The following SKAP2 variants were observed in gnomAD, a reference collection of about 807,000 sequenced individuals.
SKAP2 encodes src kinase associated phosphoprotein 2.
In SKAP2, 28 loss-of-function variants were observed where a neutral mutation model predicts 54.9. That is an observed-to-expected ratio of 0.51 (90% CI 0.38 to 0.70). The LOEUF (loss-of-function observed/expected upper bound fraction) is 0.70. Ranked by LOEUF, SKAP2 falls within the 30% of genes least tolerant of loss-of-function variation. SKAP2 has a pLI of 0.00. For synonymous variants in SKAP2, 137 were observed against 134.3 expected (o/e 1.02, Z -0.14); for missense variants, 356 against 424.1 (o/e 0.84, Z 1.41).
intron 11 of SKAP2, among the ~76,000 whole-genome samples, chr7:26,682,755 T>C (rs1242721546): frequency 1.3e-5 from 2 of 152,324 alleles, no homozygotes; most frequent in East Asian, 3.9e-4. Flanking sequence ...TGGAACACCT[T>C]TAACCTTTGT....
chr7:26,663,882 T>C (rs1786060674), downstream of SKAP2, among the ~76,000 whole-genome samples: 2 of 152,158 alleles, frequency 1.3e-5, no homozygotes, highest in South Asian at 4.1e-4. Flanking sequence ...TGTTCCTGCA[T>C]AAAAGTTTCG....
intron 9 of SKAP2, among the ~76,000 whole-genome samples, chr7:26,701,784 T>C (rs958199051): frequency 6.6e-5 from 10 of 152,286 alleles, no homozygotes; most frequent in East Asian, 5.8e-4. Context: ...ACTTGCATCA[T>C]TGAATAGATT....
At chr7:26,800,671 G>A (rs1783893943) in intron 4 of SKAP2, among the ~76,000 whole-genome samples, 1 of 152,108 alleles carries the variant, frequency 6.6e-6, no homozygotes, top group African/African-American at 2.4e-5. Context: ...GACATTACAA[G>A]TGATACTGCA....
At chr7:26,861,823 T>G (rs979026325) in intron 1 of SKAP2, among the ~76,000 whole-genome samples, 1 of 151,926 alleles carries the variant, frequency 6.6e-6, no homozygotes, top group Non-Finnish European at 1.5e-5. Flanking sequence ...ATATGACATA[T>G]AATGATTTAG....
intron 9 of SKAP2, among the ~76,000 whole-genome samples, chr7:26,709,861 TA>T (rs1469158386): frequency 6.6e-6 from 1 of 152,172 alleles, no homozygotes; most frequent in African/African-American, 2.4e-5. Flanking sequence ...GATTTATCTT[TA>T]ATGGCCCAAA....
intron 4 of SKAP2, among the ~76,000 whole-genome samples, chr7:26,768,138 C>T (rs952940827): frequency 1.3e-5 from 2 of 152,142 alleles, no homozygotes; most frequent in Non-Finnish European, 2.9e-5. Context: ...AATCTGGGTG[C>T]TCCTGTATTG....
At chr7:26,863,107 C>T (rs1785302122) in intron 1 of SKAP2, among the ~76,000 whole-genome samples, 1 of 152,126 alleles carries the variant, frequency 6.6e-6, no homozygotes, top group African/African-American at 2.4e-5. Flanking sequence ...AAGACTATCC[C>T]ACCACAAATG....
At chr7:26,664,728 G>GAAAAAAAAAAAA (rs372243207), downstream of SKAP2, among the ~76,000 whole-genome samples, 1 of 111,104 alleles carries the variant, frequency 9.0e-6, no homozygotes, top group Non-Finnish European at 1.9e-5. Flanking sequence ...AAACTGAAAA[G>GAAAAAAAAAAAA]AAAAAAAAAA....
chr7:26,703,860 C>G (rs896808622), intron 9 of SKAP2, among the ~76,000 whole-genome samples: 9 of 152,178 alleles, frequency 5.9e-5, no homozygotes. Flanking sequence ...TTCAGCATAA[C>G]ACAGCTATAA....
At chr7:26,833,566 G>A (rs1784642274) in intron 4 of SKAP2, among the ~76,000 whole-genome samples, 1 of 152,076 alleles carries the variant, frequency 6.6e-6, no homozygotes, top group African/African-American at 2.4e-5. Context: ...AGCAGGGGTT[G>A]CAATCCTAGT....
chr7:26,714,877 G>A (rs533007233), intron 9 of SKAP2, among the ~76,000 whole-genome samples: 6 of 152,230 alleles, frequency 3.9e-5, no homozygotes, highest in Admixed American at 2.6e-4. Context: ...AGCAGGCTGT[G>A]ATCTGTTTAT....
chr7:26,717,086 G>A (rs1403410820), intron 9 of SKAP2, among the ~76,000 whole-genome samples: 1 of 152,084 alleles, frequency 6.6e-6, no homozygotes. Flanking sequence ...TTTCCTTCCA[G>A]AGCCCCTTCT....
intron 11 of SKAP2, among the ~76,000 whole-genome samples, chr7:26,674,719 G>C (rs886507967): frequency 2.0e-5 from 3 of 152,170 alleles, no homozygotes; most frequent in African/African-American, 7.2e-5. Flanking sequence ...GTGTGACTTT[G>C]AGTTCCTCTA....
At chr7:26,730,358 G>A (rs1431591223) in intron 6 of SKAP2, among the ~76,000 whole-genome samples, 2 of 152,152 alleles carry the variant, frequency 1.3e-5, no homozygotes, top group East Asian at 3.9e-4. Flanking sequence ...CCAGCACTGT[G>A]AAAGACTAAT....
intron 4 of SKAP2, among the ~76,000 whole-genome samples, chr7:26,780,941 A>G (rs1471457753): frequency 6.6e-6 from 1 of 151,480 alleles, no homozygotes; most frequent in African/African-American, 2.4e-5. Flanking sequence ...GTCTCAGGCC[A>G]TAGTGTATTA....
intron 4 of SKAP2, among the ~76,000 whole-genome samples, chr7:26,772,351 T>C (rs1284844439): frequency 6.6e-6 from 1 of 152,110 alleles, no homozygotes; most frequent in Non-Finnish European, 1.5e-5. Context: ...TAGTACCCAA[T>C]AGGTAGTTTT....
chr7:26,855,041 G>C (rs978930510), intron 1 of SKAP2, 151 bp from the exon 2 acceptor site: 6 of 534,724 alleles, frequency 1.1e-5, no homozygotes, highest in Non-Finnish European at 1.9e-5. Context: ...AACAGTTGAA[G>C]TGTGTTTCAA....
intron 6 of SKAP2, among the ~76,000 whole-genome samples, chr7:26,736,083 T>C (rs6461964): frequency 0.51 from 77,916 of 151,944 alleles, 21,207 homozygotes; most frequent in East Asian, 0.88. Flanking sequence ...AAAGTGGAAG[T>C]GTCAGAGGCT....
At chr7:26,836,229 C>T (rs974703191) in intron 4 of SKAP2, among the ~76,000 whole-genome samples, 4 of 152,102 alleles carry the variant, frequency 2.6e-5, no homozygotes, top group African/African-American at 7.2e-5. Context: ...AGACATAAAA[C>T]CATAAAAACC....
Sources: allele counts gnomAD v4.1 joint callset (sites outside exome capture counted in the v4.1 genomes callset), GRCh38; gene constraint gnomAD v4.1.1; transcripts MANE v1.5; gene names NCBI Gene and HGNC (gene_info 2026-07-23, HGNC 2026-07-21).